The following SPOCK3 variants were observed in gnomAD, a reference collection of about 807,000 sequenced individuals.
The protein encoded by SPOCK3 is testican-3.
In SPOCK3, 30 loss-of-function variants were observed where a neutral mutation model predicts 56.6. That is an observed-to-expected ratio of 0.53 (90% CI 0.40 to 0.72). The LOEUF (loss-of-function observed/expected upper bound fraction) is 0.72. Ranked by LOEUF, SPOCK3 falls within the 30% of genes least tolerant of loss-of-function variation. SPOCK3 has a pLI of 0.00. For synonymous variants in SPOCK3, 196 were observed against 183.3 expected (o/e 1.07, Z -0.56); for missense variants, 527 against 530.0 (o/e 0.99, Z 0.06).
intron 6 of SPOCK3, among the ~76,000 whole-genome samples, chr4:166,856,629 C>T (rs1423878873): frequency 6.6e-6 from 1 of 151,924 alleles, no homozygotes; most frequent in Non-Finnish European, 1.5e-5. Context: ...CAAAAATTAG[C>T]AGGGTGTGGT....
intron 4 of SPOCK3, among the ~76,000 whole-genome samples, chr4:166,955,646 AT>A (rs1195364107): frequency 1.4e-5 from 2 of 146,698 alleles, no homozygotes; most frequent in Non-Finnish European, 3.0e-5. Context: ...ATTAAATTTA[AT>A]TATAATATAA....
intron 3 of SPOCK3, among the ~76,000 whole-genome samples, chr4:167,017,169 G>A (rs1750705314): frequency 6.6e-6 from 1 of 152,070 alleles, no homozygotes; most frequent in Non-Finnish European, 1.5e-5. Flanking sequence ...TTTGGGCAAT[G>A]CTCGGAAGAG....
intron 2 of SPOCK3, among the ~76,000 whole-genome samples, chr4:167,185,216 C>T (rs1293602956): frequency 6.6e-6 from 1 of 152,116 alleles, no homozygotes; most frequent in African/African-American, 2.4e-5. Flanking sequence ...GCATTGGACT[C>T]TCATCAGGGC....
At chr4:167,153,660 C>T (rs1369230237) in intron 2 of SPOCK3, among the ~76,000 whole-genome samples, 2 of 152,036 alleles carry the variant, frequency 1.3e-5, no homozygotes, top group Non-Finnish European at 2.9e-5. Flanking sequence ...GACAGAAAGT[C>T]GTATATTTCA....
chr4:166,837,782 G>T (rs1746787733), intron 6 of SPOCK3, among the ~76,000 whole-genome samples: 1 of 152,028 alleles, frequency 6.6e-6, no homozygotes, highest in Admixed American at 6.6e-5. Flanking sequence ...CCTTTCTGAT[G>T]TTTCAATATT....
intron 6 of SPOCK3, among the ~76,000 whole-genome samples, chr4:166,875,586 C>T (rs1732989341): frequency 6.6e-6 from 1 of 152,144 alleles, no homozygotes; most frequent in Non-Finnish European, 1.5e-5. Flanking sequence ...CCCACACCCT[C>T]TTTAAGAAAA....
intron 2 of SPOCK3, among the ~76,000 whole-genome samples, chr4:167,118,073 A>G (rs10517917): frequency 0.18 from 26,767 of 152,106 alleles, 2,970 homozygotes; most frequent in African/African-American, 0.28. Context: ...TCAAACCAAC[A>G]TATGAGCTCT....
chr4:167,089,567 T>C (rs1311356836), intron 2 of SPOCK3, among the ~76,000 whole-genome samples: 1 of 152,172 alleles, frequency 6.6e-6, no homozygotes, highest in Non-Finnish European at 1.5e-5. Context: ...ATATCCAGTA[T>C]ATTGGGGAAT....
At chr4:167,068,876 G>A (rs1222264190) in intron 2 of SPOCK3, among the ~76,000 whole-genome samples, 1 of 151,860 alleles carries the variant, frequency 6.6e-6, no homozygotes, top group Non-Finnish European at 1.5e-5. Context: ...AGCATGATGG[G>A]AGCAAGAAGA....
chr4:167,186,534 G>C (rs1731976463), intron 2 of SPOCK3, among the ~76,000 whole-genome samples: 1 of 151,958 alleles, frequency 6.6e-6, no homozygotes, highest in African/African-American at 2.4e-5. Context: ...AGCTGAGGCA[G>C]GAGAATCATT....
chr4:166,958,842 A>C (rs1743814767), intron 4 of SPOCK3, among the ~76,000 whole-genome samples: 1 of 152,212 alleles, frequency 6.6e-6, no homozygotes, highest in Non-Finnish European at 1.5e-5. Context: ...CAGAACTGAA[A>C]ACTTCATTCC....
At position 166,922,368 on chromosome 4, in the gene SPOCK3, A is replaced by G. The variant is rs1191582271; in HGVS notation, c.351-9625T>C. Among the ~76,000 whole-genome samples, 3 of 152,222 alleles carry G rather than the reference A, an allele frequency of 2.0e-5. No homozygotes were observed. In the East Asian group the frequency reaches 5.8e-4, roughly 29 times the overall value. ...TTTTTCTATAGTCTAAGAAGTGATAAGGACAATATAGAGCCTATCTCATGA... is the reference window on the plus strand; with the variant it reads ...TTTTTCTATAGTCTAAGAAGTGATAGGGACAATATAGAGCCTATCTCATGA... On this transcript the variant is annotated intron_variant, in intron 4 of 10. Transcript: ENST00000357545.
rs898606343 is a variant in SPOCK3, at chr4:167,059,413, A to C, written c.235+3079T>G. Among the ~76,000 whole-genome samples, 10 of 152,088 alleles carry C rather than the reference A, an allele frequency of 6.6e-5. No homozygotes were observed. The South Asian group carries it at 1.2e-3, about 19-fold the overall frequency. ...AACACATGAAAAAATGCTCACCATC[A>C]CTGGCCATCAGAGAAATGCAAATCA... On this transcript the variant is annotated intron_variant, in intron 3 of 10. Coordinates refer to ENST00000357545, the MANE Select transcript of SPOCK3 (RefSeq NM_001040159.2).
chr4:166,954,561 G>C (rs1187606134), intron 4 of SPOCK3, among the ~76,000 whole-genome samples: 7 of 152,028 alleles, frequency 4.6e-5, no homozygotes, highest in African/African-American at 1.7e-4. Flanking sequence ...TGAAGCAACT[G>C]TCCTTTTCCC....
At chr4:167,041,698 G>A (rs1753249017) in intron 3 of SPOCK3, among the ~76,000 whole-genome samples, 1 of 152,122 alleles carries the variant, frequency 6.6e-6, no homozygotes, top group African/African-American at 2.4e-5. Context: ...TATACTGTAG[G>A]ATGACTACAG....
chr4:166,853,972 A>G (rs1056696572), intron 6 of SPOCK3, among the ~76,000 whole-genome samples: 1 of 152,196 alleles, frequency 6.6e-6, no homozygotes, highest in Non-Finnish European at 1.5e-5. Context: ...CATTTTCTAC[A>G]AAATGTAAAT....
Position 166,786,955 on chromosome 4 carries a change from A to G in SPOCK3, c.709+5215T>C, listed in dbSNP as rs190468650. Among the ~76,000 whole-genome samples, 582 of 152,288 alleles carry G rather than the reference A, an allele frequency of 3.8e-3. 3 individuals carry two copies. Among genetic ancestry groups the G allele is most frequent in the African/African-American group, 0.013 (542 of 41,566 alleles). On this transcript the variant is annotated intron_variant, in intron 7 of 10. Transcript: ENST00000357545. ...ATTGACAAAGAAGACACATGTTAGC[A>G]TCCTTTCTGCTTTCTCCTCCTATGT... is the stretch of plus-strand genomic sequence containing the variant.
chr4:167,019,721 AGCATTCTCCAAATAT>A, intron 3 of SPOCK3, among the ~76,000 whole-genome samples: 1 of 152,100 alleles, frequency 6.6e-6, no homozygotes, highest in Non-Finnish European at 1.5e-5. Context: ...GGGACTACTG[AGCATTCTCCAAATAT>A]CACTTTTTCT....
intron 4 of SPOCK3, among the ~76,000 whole-genome samples, chr4:166,948,069 T>C (rs10005354): frequency 1.5e-4 from 23 of 152,162 alleles, no homozygotes; most frequent in African/African-American, 5.5e-4. Flanking sequence ...TACTCTCCTA[T>C]GGGCTCAACT....
Sources: gnomAD v4.1 joint callset for allele counts (sites outside exome capture counted in the v4.1 genomes callset) on GRCh38, gnomAD v4.1.1 for gene constraint, MANE v1.5 for transcripts, NCBI Gene and HGNC (gene_info 2026-07-23, HGNC 2026-07-21) for gene names.